Variants in MAN1C1 observed in about 807,000 individuals in gnomAD.
MAN1C1 encodes mannosidase alpha class 1C member 1.
In MAN1C1, 49 loss-of-function variants were observed where a neutral mutation model predicts 71.5. The observed-to-expected ratio is 0.69, with a 90% confidence interval of 0.54 to 0.87. The LOEUF is 0.87. MAN1C1 is among the 40% of genes least tolerant of loss of function. The pLI is 0.00. For missense variants in MAN1C1, 743 were observed against 835.0 expected, an observed-to-expected ratio of 0.89 and a Z score of 1.36; for synonymous variants, 352 against 343.7, an observed-to-expected ratio of 1.02 and a Z score of -0.27.
At chr1:25,736,508 T>C (rs2046984722) in intron 2 of MAN1C1, among the ~76,000 whole-genome samples, 1 of 152,106 alleles carries the variant, frequency 6.6e-6, no homozygotes, top group African/African-American at 2.4e-5. Flanking sequence ...AAGGGAGACC[T>C]CATTGTCCCA....
intron 2 of MAN1C1, among the ~76,000 whole-genome samples, chr1:25,718,898 A>C (rs1001799021): frequency 1.3e-5 from 2 of 152,028 alleles, no homozygotes; most frequent in African/African-American, 4.8e-5. Context: ...CATTGTGTAC[A>C]GACTTTTCTA....
At chr1:25,690,076 A>G (rs190603659) in intron 2 of MAN1C1, among the ~76,000 whole-genome samples, 41 of 152,218 alleles carry the variant, frequency 2.7e-4, no homozygotes, top group Non-Finnish European at 5.0e-4. Context: ...CCTTGAATCT[A>G]TTCTTACTTT....
chr1:25,694,725 C>T (rs575132090), intron 2 of MAN1C1, among the ~76,000 whole-genome samples: 79 of 152,314 alleles, frequency 5.2e-4, no homozygotes, highest in African/African-American at 1.7e-3. Context: ...GTTACTCCAC[C>T]AGTGTGGCTG....
intron 1 of MAN1C1, among the ~76,000 whole-genome samples, chr1:25,651,103 C>T (rs2045685407): frequency 6.6e-6 from 1 of 152,180 alleles, no homozygotes; most frequent in Admixed American, 6.5e-5. Context: ...ATAGGGGCCG[C>T]TCACCAACTG....
rs2047617049 is a variant in MAN1C1, at chr1:25,776,189, T to C, written c.1258-1916T>C. On this transcript the variant is annotated intron_variant, in intron 8 of 11. Coordinates refer to ENST00000374332, the MANE Select transcript of MAN1C1 (RefSeq NM_020379.4). The surrounding 1 kb of genome is among the most constrained non-coding windows in gnomAD (Gnocchi z 4.3). ...GGCGTGAGCCACTGCGTCCAGCCCCTCCCCGCATACCCCTGCATTTTTTAA... is the reference window on the plus strand; with the variant it reads ...GGCGTGAGCCACTGCGTCCAGCCCCCCCCCGCATACCCCTGCATTTTTTAA... Among the ~76,000 whole-genome samples, 1 of 150,212 alleles carries C rather than the reference T, an allele frequency of 6.7e-6. No homozygotes were observed.
intron 1 of MAN1C1, among the ~76,000 whole-genome samples, chr1:25,668,407 G>A (rs947888775): frequency 1.3e-5 from 2 of 152,096 alleles, no homozygotes; most frequent in Admixed American, 6.5e-5. Context: ...ACTCCCATAT[G>A]TACTAGAACA....
intron 7 of MAN1C1, among the ~76,000 whole-genome samples, chr1:25,767,552 C>T (rs2124386567): frequency 2.2e-5 from 3 of 137,954 alleles, no homozygotes; most frequent in Non-Finnish European, 4.7e-5. Flanking sequence ...TCCCCTCACA[C>T]ACACTCCCCT....
chr1:25,664,803 G>A (rs1016699752), intron 1 of MAN1C1, among the ~76,000 whole-genome samples: 4 of 152,206 alleles, frequency 2.6e-5, no homozygotes, highest in African/African-American at 7.2e-5. Flanking sequence ...GTGACTCAAG[G>A]CACTCATATA....
chr1:25,690,729 G>A (rs2046296691), intron 2 of MAN1C1, among the ~76,000 whole-genome samples: 1 of 152,252 alleles, frequency 6.6e-6, no homozygotes, highest in African/African-American at 2.4e-5. Flanking sequence ...GGGCTGTGGA[G>A]TGGGGCAGGG....
intron 2 of MAN1C1, among the ~76,000 whole-genome samples, chr1:25,728,953 C>T (rs910821489): frequency 1.3e-5 from 2 of 152,206 alleles, no homozygotes; most frequent in African/African-American, 2.4e-5. Flanking sequence ...GAAGAAGACT[C>T]GCTGTGTGGC....
rs1054560011 is a variant in MAN1C1, at chr1:25,686,053, G to A, written c.541-387G>A. Among the ~76,000 whole-genome samples, 7 of 152,166 alleles carry A rather than the reference G, an allele frequency of 4.6e-5. No individual in the cohort carries two copies. In the South Asian group the frequency reaches 8.3e-4, roughly 18 times the overall value. ...AAAATGGGTTAACAATACCTAGCTCGGAGTGTTCCATTATAGCAAGCACTC... is the reference window on the plus strand; with the variant it reads ...AAAATGGGTTAACAATACCTAGCTCAGAGTGTTCCATTATAGCAAGCACTC... On this transcript the variant is annotated intron_variant, in intron 1 of 11. Transcript: ENST00000374332.
intron 1 of MAN1C1, among the ~76,000 whole-genome samples, chr1:25,644,380 AGAG>A (rs1191863329): frequency 6.6e-6 from 1 of 151,050 alleles, no homozygotes; most frequent in Non-Finnish European, 1.5e-5. Flanking sequence ...TGGAAGGGGG[AGAG>A]GAGTTTAATG....
intron 1 of MAN1C1, among the ~76,000 whole-genome samples, chr1:25,673,935 C>A (rs1157412447): frequency 6.6e-6 from 1 of 152,214 alleles, no homozygotes; most frequent in Non-Finnish European, 1.5e-5. Flanking sequence ...TTTTGTTGAA[C>A]CATTTCGCAT....
At chr1:25,652,591 C>T (rs1043925443) in intron 1 of MAN1C1, among the ~76,000 whole-genome samples, 1 of 152,222 alleles carries the variant, frequency 6.6e-6, no homozygotes, top group Non-Finnish European at 1.5e-5. Context: ...TTTTCCCCTG[C>T]CTTGGTGGGT....
intron 7 of MAN1C1, 31 bp from the exon 8 acceptor site, chr1:25,771,626 G>A (rs1480737633): frequency 5.1e-6 from 8 of 1,553,846 alleles, no homozygotes; most frequent in Non-Finnish European, 7.1e-6. Flanking sequence ...GGCAGATGGA[G>A]ATAATGTTCT....
At position 25,686,530 on chromosome 1, in the gene MAN1C1, A is replaced by G. The variant is rs776338468; in HGVS notation, c.631A>G (p.Met211Val). 4.8e-5 allele frequency: 77 copies of G among 1,613,922 alleles called. No homozygotes were observed. In the East Asian group the frequency reaches 1.4e-3, roughly 30 times the overall value. The change falls in exon 2 of 12, where the codon ATG (methionine) becomes GTG (valine). Residue 211 changes from methionine (M) to valine (V), a missense_variant. Coordinates refer to ENST00000374332, the MANE Select transcript of MAN1C1 (RefSeq NM_020379.4). ...AACAAAAGATGGCTACGAGGGTAAC[A>G]TGTTCGGTGAGTCGATTCAAACCAC... ...PLTKDGYEGNMFGGLSGATVI... is the reference protein window; with the variant it reads ...PLTKDGYEGNVFGGLSGATVI...
In MAN1C1 at chr1:25,776,613, A is replaced by G. The variant is rs1040272382; in HGVS notation, c.1258-1492A>G. 9.8e-5 allele frequency among the ~76,000 whole-genome samples: 15 copies of G among 152,316 alleles called. No homozygotes were observed. Among genetic ancestry groups the G allele is most frequent in the African/African-American group, 3.6e-4 (15 of 41,556 alleles). On this transcript the variant is annotated intron_variant, in intron 8 of 11. Coordinates refer to ENST00000374332, the MANE Select transcript of MAN1C1 (RefSeq NM_020379.4). The surrounding 1 kb of genome is among the most constrained non-coding windows in gnomAD (Gnocchi z 4.3). ...GTTTTGTTGGGAATTCTCTGCACTA[A>G]TGGGTGAGCTCCCTGAGGCAGAGTC... is the stretch of plus-strand genomic sequence containing the variant.
chr1:25,771,552 C>A, intron 7 of MAN1C1, 105 bp from the exon 8 acceptor site: 2 of 798,092 alleles, frequency 2.5e-6, no homozygotes, highest in Non-Finnish European at 4.2e-6. Context: ...CGCTTCCTAC[C>A]CGTACAGGCA....
intron 1 of MAN1C1, among the ~76,000 whole-genome samples, chr1:25,653,259 T>G (rs1433653462): frequency 6.6e-6 from 1 of 152,038 alleles, no homozygotes; most frequent in African/African-American, 2.4e-5. Flanking sequence ...ATTAATTTTT[T>G]GTAGAGGTGG....
Sources: allele counts gnomAD v4.1 joint callset (sites outside exome capture counted in the v4.1 genomes callset), GRCh38; gene constraint gnomAD v4.1.1; non-coding constraint Gnocchi (gnomAD v3.1); transcripts MANE v1.5; gene names NCBI Gene and HGNC (gene_info 2026-07-23, HGNC 2026-07-21).